MON2: variants seen among roughly 807,000 people sequenced by gnomAD.
MON2 encodes the protein protein MON2 homolog.
In MON2, 84 loss-of-function variants were observed where a neutral mutation model predicts 208.6. That is an observed-to-expected ratio of 0.40 (90% confidence interval 0.34 to 0.48). The LOEUF (loss-of-function observed/expected upper bound fraction) is 0.48. Among genes scored for constraint, MON2 ranks in the 20% least tolerant of loss-of-function variants. The pLI is 0.59. For missense variants in MON2, 1,611 were observed against 2,015.4 expected, an observed-to-expected ratio of 0.80 and a Z score of 3.84; for synonymous variants, 660 against 694.0, an observed-to-expected ratio of 0.95 and a Z score of 0.77.
chr12:62,553,221 A>G, intron 24 of MON2, 47 bp downstream of exon 24: 2 of 1,465,984 alleles, frequency 1.4e-6, no homozygotes, highest in Middle Eastern at 1.8e-4. Flanking sequence ...AGTCATGCTT[A>G]TATATTAATA....
chr12:62,571,664 A>G (rs1351671984), intron 30 of MON2, 82 bp downstream of exon 30: 6 of 1,140,938 alleles, frequency 5.3e-6, no homozygotes, highest in Non-Finnish European at 7.4e-6. Flanking sequence ...GTCTTTATTC[A>G]TTAACAAAGT....
In MON2 at chr12:62,537,276, T is replaced by C. The variant is rs889718775; in HGVS notation, c.2013+13T>C. On this transcript the variant is annotated intron_variant, in intron 15 of 34. Transcript: ENST00000393630. The stretch of plus-strand genomic sequence containing the variant: ...AGGGACAGTAATGGTAATGTACTTG[T>C]ATTTTTCTTGGTTATCAATTAGCTA... The C allele has an allele frequency of 3.2e-6, 5 of 1,563,740 alleles. No individual in the cohort carries two copies. The South Asian group carries it at 5.7e-5, about 18-fold the overall frequency.
chr12:62,573,815 A>C (rs542537259), intron 30 of MON2, among the ~76,000 whole-genome samples: 6 of 152,236 alleles, frequency 3.9e-5, no homozygotes, highest in African/African-American at 1.2e-4. Context: ...AAAAGTGGAC[A>C]CTGGAACCAA....
intron 33 of MON2, among the ~76,000 whole-genome samples, chr12:62,586,233 G>A (rs1016079366): frequency 1.3e-5 from 2 of 152,178 alleles, no homozygotes; most frequent in Admixed American, 6.5e-5. Flanking sequence ...CAGGAAAGAC[G>A]AAAATCATTG....
At chr12:62,484,326 A>G in intron 2 of MON2, 93 bp downstream of exon 2, 1 of 782,700 alleles carries the variant, frequency 1.3e-6, no homozygotes, top group Non-Finnish European at 2.1e-6. Flanking sequence ...GTTTTCTGTA[A>G]CATCTCTTCC....
intron 33 of MON2, 155 bp from the exon 34 acceptor site, chr12:62,587,919 A>G (rs1311956706): frequency 3.8e-6 from 2 of 530,048 alleles, no homozygotes; most frequent in African/African-American, 3.9e-5. Context: ...AATGATTTTT[A>G]CTTTTATATG....
intron 12 of MON2, among the ~76,000 whole-genome samples, chr12:62,533,568 C>T (rs2072760895): frequency 6.6e-6 from 1 of 152,148 alleles, no homozygotes; most frequent in African/African-American, 2.4e-5. Context: ...TGGACATGTC[C>T]CATGCCCTTT....
At chr12:62,557,638 CTAATT>C (rs757274018) in intron 25 of MON2, among the ~76,000 whole-genome samples, 13 of 151,992 alleles carry the variant, frequency 8.6e-5, no homozygotes, top group Admixed American at 2.0e-4. Flanking sequence ...ATTTTTTAAA[CTAATT>C]TATGTTAAAG....
At chr12:62,512,679 G>A (rs2071472741) in intron 8 of MON2, among the ~76,000 whole-genome samples, 1 of 152,158 alleles carries the variant, frequency 6.6e-6, no homozygotes. Context: ...TGTCTGGACG[G>A]TGGCCCTCTT....
At chr12:62,559,087 A>G (rs1434671550) in intron 25 of MON2, among the ~76,000 whole-genome samples, 1 of 152,102 alleles carries the variant, frequency 6.6e-6, no homozygotes, top group African/African-American at 2.4e-5. Flanking sequence ...GATAGTACCT[A>G]TTGTTTTATA....
rs779114140 is a variant in MON2, at chr12:62,537,633, C to A, written c.2045C>A (p.Thr682Asn). Residue 682 changes from threonine to asparagine, a missense_variant, in exon 16 of 35, where the codon ACT becomes AAT. Transcript: ENST00000393630. ...LTSKNIQCMR[T>N]LLNLAHCHGA... ...TCCAAAAATATCCAGTGTATGAGGA[C>A]TTTACTTAACTTGGCGCATTGCCAT... 1 of 1,612,916 alleles carries A rather than the reference C, an allele frequency of 6.2e-7. No individual in the cohort carries two copies.
At chr12:62,552,750 A>G (rs1416597197) in intron 23 of MON2, 131 bp from the exon 24 acceptor site, 10 of 653,206 alleles carry the variant, frequency 1.5e-5, no homozygotes, top group Non-Finnish European at 2.6e-5. Context: ...AATCTATTCT[A>G]CTAGGAAAGA....
At chr12:62,581,917 A>G (rs557091432) in intron 32 of MON2, among the ~76,000 whole-genome samples, 4 of 152,286 alleles carry the variant, frequency 2.6e-5, no homozygotes, top group South Asian at 4.1e-4. Context: ...AGCTTCTCCT[A>G]TTTTGTGCTG....
Position 62,535,595 on chromosome 12 carries a change from G to A in MON2, c.1786G>A (p.Gly596Ser). The change falls in exon 14 of 35, where the codon GGC (glycine) becomes AGC (serine). Residue 596 changes from glycine to serine, a missense_variant. Transcript: ENST00000393630. The part of the protein sequence containing the change: ...LTMAALCGRL[G>S]LVTSRDAFIT... The stretch of plus-strand genomic sequence containing the variant: ...TATGGCTGCTCTTTGTGGAAGACTG[G>A]GCCTTGTAACTTCAAGAGATGCCTT... The A allele has an allele frequency of 6.2e-7, 1 of 1,613,590 alleles. No homozygotes were observed. The highest frequency in any genetic ancestry group is 8.5e-7 in the Non-Finnish European group (1 of 1,179,780).
Position 62,468,264 on chromosome 12 carries a change from G to A in MON2, c.111+946G>A, listed in dbSNP as rs567973318. 7.9e-5 allele frequency among the ~76,000 whole-genome samples: 12 copies of A among 151,822 alleles called. No homozygotes were observed. The South Asian group carries it at 2.1e-3, about 26-fold the overall frequency. On this transcript the variant is annotated intron_variant, in intron 1 of 34. Transcript: ENST00000393630. ...TTGGTCAGGCGGGTCTCGAACTCCC[G>A]ACTTCAGATGATCCCCCTGCCTCGG...
At chr12:62,566,511 T>G (rs572905592) in intron 29 of MON2, 61 bp downstream of exon 29, 12 of 1,447,386 alleles carry the variant, frequency 8.3e-6, no homozygotes, top group Admixed American at 7.8e-5. Flanking sequence ...AAATTATTCC[T>G]TAGGTAATAC....
intron 24 of MON2, among the ~76,000 whole-genome samples, chr12:62,555,272 G>A (rs2073916229): frequency 6.6e-6 from 1 of 150,682 alleles, no homozygotes; most frequent in East Asian, 2.0e-4. Flanking sequence ...ACCTCTCCTG[G>A]GGGCTCAGGT....
rs551559756 is a variant in MON2 at position 62,511,752 on chromosome 12, A to G, written c.984+3272A>G. On this transcript the variant is annotated intron_variant, in intron 8 of 34. Coordinates refer to ENST00000393630, the MANE Select transcript of MON2 (RefSeq NM_015026.3). ...AAAAGCACAGGCAACAAAAGCAACA[A>G]TAGACAAATGGAACTGCATCAAACT... Among the ~76,000 whole-genome samples, 409 of 152,370 alleles carry G rather than the reference A, an allele frequency of 2.7e-3. 4 individuals are homozygous for G. Among genetic ancestry groups the G allele is most frequent in the Non-Finnish European group, 4.0e-3 (275 of 68,022 alleles).
rs1424459395 is a variant in MON2, at chr12:62,498,991, C to T, written c.508C>T (p.Arg170Ter). ...ITNNTAAATV[R>*]QVVTVVFERM... The stretch of plus-strand genomic sequence containing the variant: ...AAATAATACAGCTGCTGCTACAGTG[C>T]GACAAGTTGTTACTGTTGTTTTTGA... The change falls in exon 5 of 35, where the codon CGA becomes TGA. Residue 170 changes from arginine (R) to a stop codon, truncating the protein, a stop_gained. Transcript: ENST00000393630. LOFTEE classifies it high-confidence loss of function. The T allele has an allele frequency of 1.9e-6, 3 of 1,612,716 alleles. No individual in the cohort carries two copies. The highest frequency in any genetic ancestry group is 1.7e-6 in the Non-Finnish European group (2 of 1,179,398).
Sources: gnomAD v4.1 joint callset for allele counts (sites outside exome capture counted in the v4.1 genomes callset) on GRCh38, gnomAD v4.1.1 for gene constraint, MANE v1.5 for transcripts, NCBI Gene and HGNC (gene_info 2026-07-23, HGNC 2026-07-21) for gene names.